OSBPL9: variants seen among roughly 807,000 people sequenced by gnomAD.
OSBPL9 encodes oxysterol-binding protein-related protein 9.
Under a neutral mutation model 106.6 loss-of-function variants are expected in OSBPL9, and 40 were observed. The ratio of observed to expected loss-of-function variants is 0.38; its 90% CI spans 0.29 to 0.49. The LOEUF (loss-of-function observed/expected upper bound fraction) is 0.49, where lower values mean the gene tolerates loss of function less well. Ranked by LOEUF, OSBPL9 falls within the 20% of genes least tolerant of loss-of-function variation. The probability of loss-of-function intolerance (pLI) is 0.97; values close to 1 mark genes in which losing one functional copy is unlikely to be tolerated. For synonymous variants in OSBPL9, 269 were observed against 295.4 expected (o/e 0.91, Z 0.92); for missense variants, 609 against 887.2 (o/e 0.69, Z 3.98).
chr1:51,701,641 G>GT (rs1657272245), intron 3 of OSBPL9, among the ~76,000 whole-genome samples: 2 of 139,820 alleles, frequency 1.4e-5, no homozygotes, highest in Non-Finnish European at 1.5e-5. Flanking sequence ...TCAAAATACT[G>GT]GTTTTTTTTG....
chr1:51,540,020 T>C, the OSBPL9 span, among the ~76,000 whole-genome samples: 1 of 152,220 alleles, frequency 6.6e-6, no homozygotes, highest in Non-Finnish European at 1.5e-5. Flanking sequence ...CATGATAAGC[T>C]CTTTCCTGCC....
intron 1 of OSBPL9, among the ~76,000 whole-genome samples, chr1:51,588,372 A>T (rs757870160): frequency 2.0e-5 from 3 of 152,164 alleles, no homozygotes; most frequent in Non-Finnish European, 4.4e-5. Flanking sequence ...ACAAGAGCAA[A>T]ACTCTGTCTC....
chr1:51,761,352 T>C (rs889418933), intron 10 of OSBPL9, among the ~76,000 whole-genome samples: 1 of 152,154 alleles, frequency 6.6e-6, no homozygotes, highest in South Asian at 2.1e-4. Context: ...CTGATTCCTT[T>C]TGCCCTTTTG....
intron 9 of OSBPL9, among the ~76,000 whole-genome samples, chr1:51,758,051 CAT>C (rs1011070326): frequency 4.9e-4 from 74 of 152,228 alleles, no homozygotes; most frequent in African/African-American, 1.7e-3. Flanking sequence ...TGTAATGTGA[CAT>C]ATTTGAGCCT....
At chr1:51,633,662 C>T (rs1327664657) in intron 1 of OSBPL9, among the ~76,000 whole-genome samples, 2 of 151,956 alleles carry the variant, frequency 1.3e-5, no homozygotes, top group Non-Finnish European at 2.9e-5. Context: ...CACTCTGTCA[C>T]GGGGGCTAGA....
chr1:51,606,972 C>A (rs1474595407), intron 2 of OSBPL9, among the ~76,000 whole-genome samples: 1 of 151,578 alleles, frequency 6.6e-6, no homozygotes, highest in Non-Finnish European at 1.5e-5. Flanking sequence ...ATGGCGTGAA[C>A]CCGGGAGGCG....
intron 12 of OSBPL9, among the ~76,000 whole-genome samples, chr1:51,770,815 G>A (rs1557844751): frequency 6.6e-6 from 1 of 152,124 alleles, no homozygotes. Flanking sequence ...TAATATTCTA[G>A]TGTTCTAATA....
chr1:51,779,473 CT>C (rs1675812945), intron 15 of OSBPL9, among the ~76,000 whole-genome samples: 1 of 152,164 alleles, frequency 6.6e-6, no homozygotes, highest in Non-Finnish European at 1.5e-5. Context: ...GGAAAAACTT[CT>C]GGACATTGGC....
rs376042962 is a variant in OSBPL9 at position 51,746,804 on chromosome 1, C to G, written c.462+47C>G. 2.3e-5 allele frequency: 34 copies of G among 1,465,110 alleles called. No homozygotes were observed. The South Asian group carries it at 3.0e-4, about 13-fold the overall frequency. The allele number at this position is 1,465,110 out of a possible 1,614,324, so 90.8% of individuals were successfully genotyped here. A position where few individuals can be genotyped will look rare whatever the true frequency, so the allele number is the denominator to read the frequency against. ...TTGACGTTAAAAATTTTAAATTCAG[C>G]CTTTTGGAGAACACTAAGTATCTTA... On this transcript the variant is annotated intron_variant, in intron 6 of 23. Transcript: ENST00000428468.
chr1:51,612,527 C>T (rs1229541418), upstream of OSBPL9, among the ~76,000 whole-genome samples: 4 of 152,212 alleles, frequency 2.6e-5, no homozygotes, highest in South Asian at 2.1e-4. Context: ...GTCTCCACCA[C>T]GTGTAACTTT....
chr1:51,636,412 A>C (rs143755483), intron 1 of OSBPL9, among the ~76,000 whole-genome samples: 327 of 150,020 alleles, frequency 2.2e-3, no homozygotes, highest in Middle Eastern at 6.8e-3. Context: ...GATTCAGCTC[A>C]CTGCATCCTC....
chr1:51,587,876 C>T (rs1046068503), intron 1 of OSBPL9, among the ~76,000 whole-genome samples: 3 of 152,250 alleles, frequency 2.0e-5, no homozygotes, highest in Non-Finnish European at 4.4e-5. Context: ...CCTCACCACT[C>T]CACTGAGTTG....
At chr1:51,564,065 A>AAAAAAAAAAAAG in the OSBPL9 span, among the ~76,000 whole-genome samples, 2 of 148,358 alleles carry the variant, frequency 1.3e-5, no homozygotes, top group African/African-American at 4.9e-5. Flanking sequence ...AAAAAAAAAA[A>AAAAAAAAAAAAG]AAAAAGAAAG....
chr1:51,601,336 C>G (rs1005946149), intron 2 of OSBPL9, among the ~76,000 whole-genome samples: 1 of 152,192 alleles, frequency 6.6e-6, no homozygotes, highest in African/African-American at 2.4e-5. Flanking sequence ...GGTTGAAACC[C>G]TGCAGATCAG....
chr1:51,642,284 G>A (rs1398825971), intron 1 of OSBPL9, among the ~76,000 whole-genome samples: 1 of 152,074 alleles, frequency 6.6e-6, no homozygotes, highest in Admixed American at 6.5e-5. Context: ...CTGTGTAATA[G>A]GTCAATATTC....
At chr1:51,704,396 C>T (rs1436745615) in intron 3 of OSBPL9, among the ~76,000 whole-genome samples, 1 of 152,118 alleles carries the variant, frequency 6.6e-6, no homozygotes, top group African/African-American at 2.4e-5. Flanking sequence ...GGAATTTATC[C>T]ATTTCTTCTA....
chr1:51,606,433 T>C (rs1233824528), intron 2 of OSBPL9, among the ~76,000 whole-genome samples: 2 of 152,248 alleles, frequency 1.3e-5, no homozygotes, highest in Non-Finnish European at 2.9e-5. Flanking sequence ...ATTAATATAC[T>C]GCAAATTTAT....
At chr1:51,768,667 A>G (rs61374814) in intron 12 of OSBPL9, among the ~76,000 whole-genome samples, 19,089 of 152,122 alleles carry the variant, frequency 0.13, 1,325 homozygotes, top group Middle Eastern at 0.22. Flanking sequence ...ACTGATAGAC[A>G]CTCTCTGGCT....
chr1:51,554,493 T>G, the OSBPL9 span, among the ~76,000 whole-genome samples: 1 of 152,192 alleles, frequency 6.6e-6, no homozygotes, highest in Non-Finnish European at 1.5e-5. Flanking sequence ...ACTCTGAATT[T>G]CAGTTCCTAC....
Sources: gnomAD v4.1 joint callset for allele counts (sites outside exome capture counted in the v4.1 genomes callset) on GRCh38, gnomAD v4.1.1 for gene constraint, MANE v1.5 for transcripts, NCBI Gene and HGNC (gene_info 2026-07-23, HGNC 2026-07-21) for gene names.